The following CELF2 variants were observed in gnomAD, a reference collection of about 807,000 sequenced individuals.
The protein encoded by CELF2 is CUGBP Elav-like family member 2, also known as CUG triplet repeat RNA-binding protein 2.
CELF2 carries 8 observed loss-of-function variants against 62.6 expected under a neutral mutation model. The observed-to-expected ratio is 0.13, with a 90% CI of 0.07 to 0.23. CELF2 has a LOEUF of 0.23. Among genes scored for constraint, CELF2 ranks in the 10% least tolerant of loss-of-function variants. CELF2 has a pLI of 1.00. For synonymous variants in CELF2, 258 were observed against 250.0 expected, an observed-to-expected ratio of 1.03 and a Z score of -0.30; for missense variants, 333 against 671.0, an observed-to-expected ratio of 0.50 and a Z score of 5.56.
At chr10:10,894,606 G>T (rs948842764) in intron 1 of CELF2, among the ~76,000 whole-genome samples, 3 of 152,082 alleles carry the variant, frequency 2.0e-5, no homozygotes, top group African/African-American at 7.2e-5. Flanking sequence ...ATAAAAGTTT[G>T]TCCAAACTTA....
At chr10:10,492,895 G>C in the CELF2 span, among the ~76,000 whole-genome samples, 3 of 87,774 alleles carry the variant, frequency 3.4e-5, no homozygotes, top group African/African-American at 1.1e-4. Flanking sequence ...GGTTTGATAA[G>C]GGGAAATCCC....
chr10:10,842,121 A>G (rs1053571968), intron 1 of CELF2, among the ~76,000 whole-genome samples: 2 of 152,056 alleles, frequency 1.3e-5, no homozygotes, highest in Non-Finnish European at 2.9e-5. Flanking sequence ...ATGGTGAAAA[A>G]TTAACTTGTA....
chr10:10,648,666 G>A, the CELF2 span, among the ~76,000 whole-genome samples: 1 of 152,120 alleles, frequency 6.6e-6, no homozygotes, highest in Non-Finnish European at 1.5e-5. Context: ...AATGGGTCAG[G>A]TGTATATTTT....
intron 1 of CELF2, among the ~76,000 whole-genome samples, chr10:11,151,277 CT>C (rs2132675583): frequency 6.6e-6 from 1 of 152,288 alleles, no homozygotes; most frequent in African/African-American, 2.4e-5. Flanking sequence ...ACTTTGGCCC[CT>C]ATTAAAGAAC....
chr10:10,942,736 C>T (rs886140782), intron 2 of CELF2, among the ~76,000 whole-genome samples: 8 of 152,152 alleles, frequency 5.3e-5, no homozygotes, highest in African/African-American at 1.2e-4. Context: ...ATGCTTTATA[C>T]GCAGACTTGA....
At chr10:10,622,130 C>T in the CELF2 span, among the ~76,000 whole-genome samples, 9 of 152,092 alleles carry the variant, frequency 5.9e-5, no homozygotes, top group Non-Finnish European at 1.0e-4. Flanking sequence ...CCCCTGGGAC[C>T]CTGTAAAAAG....
the CELF2 span, among the ~76,000 whole-genome samples, chr10:10,688,348 A>G: frequency 4.1e-4 from 63 of 152,318 alleles, no homozygotes; most frequent in Middle Eastern, 6.8e-3. Context: ...CAAAGCTATG[A>G]CATTTCCAAG....
chr10:11,078,841 C>A (rs1351067496), intron 1 of CELF2, among the ~76,000 whole-genome samples: 1 of 152,162 alleles, frequency 6.6e-6, no homozygotes, highest in Non-Finnish European at 1.5e-5. Flanking sequence ...AGTGATGGTG[C>A]TATTGGGCAC....
the CELF2 span, among the ~76,000 whole-genome samples, chr10:10,709,475 T>G: frequency 1.3e-5 from 2 of 152,196 alleles, no homozygotes; most frequent in Non-Finnish European, 2.9e-5. Flanking sequence ...CTTTGAAGCT[T>G]GCAAAATTGA....
In CELF2 at chr10:10,990,022, A is replaced by G. The variant is rs1188568637; in HGVS notation, c.89+70023A>G. Among the ~76,000 whole-genome samples the G allele has an allele frequency of 2.0e-5, 3 of 152,176 alleles. No individual in the cohort carries two copies. The highest frequency in any genetic ancestry group is 4.4e-5 in the Non-Finnish European group (3 of 67,994). On this transcript the variant is annotated intron_variant, in intron 2 of 13. Transcript: ENST00000636488. The surrounding 1 kb of genome is among the most constrained non-coding windows in gnomAD (Gnocchi z 4.6). ...GGGGGAATGTCCATTGCAAATCTGC[A>G]AAGCAATTTAGTAATTTATGTTAAG... is the stretch of plus-strand genomic sequence containing the variant.
chr10:10,470,329 A>G, the CELF2 span, among the ~76,000 whole-genome samples: 1 of 151,962 alleles, frequency 6.6e-6, no homozygotes, highest in Non-Finnish European at 1.5e-5. Context: ...ACAAATTGCC[A>G]AAATCTTAGT....
chr10:10,680,553 C>G, the CELF2 span, among the ~76,000 whole-genome samples: 2 of 152,206 alleles, frequency 1.3e-5, no homozygotes, highest in African/African-American at 4.8e-5. Flanking sequence ...GCCCACCAAG[C>G]TTGTTGTCCA....
chr10:11,083,378 T>C (rs1255323918), intron 1 of CELF2, among the ~76,000 whole-genome samples: 1 of 152,080 alleles, frequency 6.6e-6, no homozygotes, highest in Non-Finnish European at 1.5e-5. Flanking sequence ...TAAATGTAAA[T>C]GTAATTGAGT....
chr10:10,535,563 C>CA, the CELF2 span, among the ~76,000 whole-genome samples: 6 of 151,984 alleles, frequency 3.9e-5, no homozygotes, highest in East Asian at 7.8e-4. Context: ...ACTAAAAATA[C>CA]AAAAAAATTA....
intron 1 of CELF2, among the ~76,000 whole-genome samples, chr10:10,810,039 C>T (rs2131696297): frequency 6.6e-6 from 1 of 152,258 alleles, no homozygotes; most frequent in East Asian, 1.9e-4. Context: ...TACATAAGTG[C>T]ATATTTCCCT....
intron 2 of CELF2, among the ~76,000 whole-genome samples, chr10:11,188,734 G>T (rs571998878): frequency 3.5e-4 from 53 of 152,260 alleles, no homozygotes; most frequent in African/African-American, 1.2e-3. Context: ...TTTAATGTCT[G>T]CTTTCTCTCA....
intron 1 of CELF2, among the ~76,000 whole-genome samples, chr10:11,113,070 C>T (rs1226422338): frequency 6.6e-6 from 1 of 152,220 alleles, no homozygotes; most frequent in African/African-American, 2.4e-5. Flanking sequence ...TTCAGCAACA[C>T]TGGGTCTTAC....
At chr10:11,164,862 T>A (rs1298625689) in intron 1 of CELF2, among the ~76,000 whole-genome samples, 1 of 152,198 alleles carries the variant, frequency 6.6e-6, no homozygotes, top group Non-Finnish European at 1.5e-5. Flanking sequence ...CTTTCCATTC[T>A]GAGTAGCAAC....
At chr10:10,734,924 T>A in the CELF2 span, among the ~76,000 whole-genome samples, 1 of 152,136 alleles carries the variant, frequency 6.6e-6, no homozygotes, top group Admixed American at 6.5e-5. Flanking sequence ...CCCAGGGCCT[T>A]AGAAGGGGAC....
Sources: gnomAD v4.1 joint callset for allele counts (sites outside exome capture counted in the v4.1 genomes callset) on GRCh38, gnomAD v4.1.1 for gene constraint, Gnocchi (gnomAD v3.1) non-coding constraint, MANE v1.5 for transcripts, NCBI Gene and HGNC (gene_info 2026-07-23, HGNC 2026-07-21) for gene names.